GNA11: variants seen among roughly 807,000 people sequenced by gnomAD.
GNA11 encodes guanine nucleotide-binding protein subunit alpha-11.
In GNA11, 8 loss-of-function variants were observed where a neutral mutation model predicts 38.2. That is an observed-to-expected ratio of 0.21 (90% CI 0.12 to 0.38). The LOEUF (loss-of-function observed/expected upper bound fraction) is 0.38. Ranked by LOEUF, GNA11 falls within the 10% of genes least tolerant of loss-of-function variation. GNA11 has a pLI of 1.00. For missense variants in GNA11, 268 were observed against 516.3 expected, an observed-to-expected ratio of 0.52 and a Z score of 4.66; for synonymous variants, 211 against 221.4, an observed-to-expected ratio of 0.95 and a Z score of 0.42.
chr19:3,102,536 C>CCAG (rs1913531720), intron 1 of GNA11, among the ~76,000 whole-genome samples: 2 of 152,160 alleles, frequency 1.3e-5, no homozygotes, highest in African/African-American at 4.8e-5. Flanking sequence ...GGCTGCCTGC[C>CCAG]GGGGATAAGC....
rs1309810840 is a variant in GNA11, at chr19:3,119,006, G to C, written c.688G>C (p.Val230Leu). The C allele has an allele frequency of 6.2e-7, 1 of 1,613,780 alleles. No individual in the cohort carries two copies. Among genetic ancestry groups the C allele is most frequent in the African/African-American group, 1.3e-5 (1 of 74,942 alleles). ...FENVTSIMFL[V>L]ALSEYDQVLV... ...GAACGTGACATCCATCATGTTTCTCGTCGCCCTCAGCGAATACGACCAAGT... is the reference window on the plus strand; with the variant it reads ...GAACGTGACATCCATCATGTTTCTCCTCGCCCTCAGCGAATACGACCAAGT... The change falls in exon 5 of 7, where the codon GTC becomes CTC. Residue 230 changes from valine to leucine, a missense_variant. By Grantham distance (32) the Val-to-Leu change is conservative. Around this residue, in one of 3 missense-constraint regions of GNA11, gnomAD observed 25 missense variants for 95.6 expected, o/e 0.26. Coordinates refer to ENST00000078429, the MANE Select transcript of GNA11 (RefSeq NM_002067.5). This position sits in a 1 kb window ranked among gnomAD's most constrained non-coding sequence, Gnocchi z 4.6.
At chr19:3,115,579 C>T (rs1401341168) in intron 4 of GNA11, among the ~76,000 whole-genome samples, 1 of 151,676 alleles carries the variant, frequency 6.6e-6, no homozygotes, top group Non-Finnish European at 1.5e-5. Context: ...AGAGACCTGG[C>T]AGGGAGGACA....
chr19:3,123,202 G>A lies in GNA11; in HGVS notation c.*2023G>A. 4.3e-6 allele frequency: 1 copy of A among 233,382 alleles called. No individual in the cohort carries two copies. Among genetic ancestry groups the A allele is most frequent in the Non-Finnish European group, 8.5e-6 (1 of 118,126 alleles). 14.5% of individuals were successfully genotyped at this position (233,382 alleles called of 1,614,324 possible). A position where few individuals can be genotyped will look rare whatever the true frequency, so the allele number is the denominator to read the frequency against. ...GCACAAGGTGACCTGGCCGTGGCCT[G>A]AGGGTGGAGTCGCCCAGCACGCAGG... On this transcript the variant is annotated 3_prime_UTR_variant, in exon 7 of 7. Coordinates refer to ENST00000078429, the MANE Select transcript of GNA11 (RefSeq NM_002067.5).
At chr19:3,100,390 G>A (rs1213188545) in intron 1 of GNA11, among the ~76,000 whole-genome samples, 2 of 152,168 alleles carry the variant, frequency 1.3e-5, no homozygotes, top group Non-Finnish European at 2.9e-5. Context: ...CCTTCTCGTC[G>A]CCATCGTCAG....
At chr19:3,106,596 T>C (rs908217561) in intron 1 of GNA11, among the ~76,000 whole-genome samples, 1 of 152,022 alleles carries the variant, frequency 6.6e-6, no homozygotes, top group Non-Finnish European at 1.5e-5. Context: ...CTTTGGTGGG[T>C]TATGTGGGAG....
intron 1 of GNA11, among the ~76,000 whole-genome samples, chr19:3,095,108 C>T (rs1484022721): frequency 6.6e-6 from 1 of 151,992 alleles, no homozygotes; most frequent in Non-Finnish European, 1.5e-5. Flanking sequence ...GCACCTGGGA[C>T]CCTCCGGGGT....
rs1460324848 is a variant in GNA11, at chr19:3,118,856, C to T, written c.606-68C>T. On this transcript the variant is annotated intron_variant, in intron 4 of 6. Coordinates refer to ENST00000078429, the MANE Select transcript of GNA11 (RefSeq NM_002067.5). ...GTGGCAGGAGGGGCTTGGGTGGGAG[C>T]CGTCCTGGGATTGCAGATTGGGCCT... The T allele has an allele frequency of 3.4e-6, 5 of 1,485,228 alleles. No individual in the cohort carries two copies. The East Asian group carries it at 9.1e-5, about 27-fold the overall frequency. The allele number at this position is 1,485,228 out of a possible 1,614,324, so 92.0% of individuals were successfully genotyped here.
rs779361597 is a variant in GNA11, at chr19:3,120,414, C to G, written c.890-575C>G. ...TCCCCAGAGCAGCCCCTTGAACACCCCCAGGGGCCTTTCCACCGGGGCAGG... is the reference window on the plus strand; with the variant it reads ...TCCCCAGAGCAGCCCCTTGAACACCGCCAGGGGCCTTTCCACCGGGGCAGG... On this transcript the variant is annotated intron_variant, in intron 6 of 6. Transcript: ENST00000078429. The surrounding 1 kb of genome is among the most constrained non-coding windows in gnomAD (Gnocchi z 5.9). Among the ~76,000 whole-genome samples the G allele has an allele frequency of 2.6e-5, 4 of 152,130 alleles. No individual in the cohort carries two copies. The highest frequency in any genetic ancestry group is 5.9e-5 in the Non-Finnish European group (4 of 67,990).
chr19:3,115,323 C>T (rs1011992273), intron 4 of GNA11: 5 of 429,004 alleles, frequency 1.2e-5, no homozygotes, highest in Non-Finnish European at 1.7e-5. Context: ...GAGGATCGCT[C>T]AAGCCCAGGA....
chr19:3,121,454 T>TA lies in GNA11; in HGVS notation c.*291dup, dbSNP rs767868573. 45,560 of 193,818 alleles carry TA rather than the reference T, an allele frequency of 0.24. 3,334 individuals carry two copies. Among genetic ancestry groups the TA allele is most frequent in the South Asian group, 0.31 (1,477 of 4,704 alleles). 12.0% of individuals were successfully genotyped at this position (193,818 alleles called of 1,614,324 possible). Reference sequence around the variant, plus strand: ...CCTTGACTTATGGCTCGCTTTTTTCTAAAAAAAAAAAAAAAAGAAAGAAAG... The same window carrying TA: ...CCTTGACTTATGGCTCGCTTTTTTCTAAAAAAAAAAAAAAAAAGAAAGAAAG... On this transcript the variant is annotated 3_prime_UTR_variant, in exon 7 of 7. Transcript: ENST00000078429.
Position 3,108,864 on chromosome 19 carries a change from G to A in GNA11, c.137-1285G>A, listed in dbSNP as rs114493550. Among the ~76,000 whole-genome samples, 232 of 152,198 alleles carry A rather than the reference G, an allele frequency of 1.5e-3. No homozygotes were observed. Among genetic ancestry groups the A allele is most frequent in the African/African-American group, 5.1e-3 (212 of 41,524 alleles). On this transcript the variant is annotated intron_variant, in intron 1 of 6. Coordinates refer to ENST00000078429, the MANE Select transcript of GNA11 (RefSeq NM_002067.5). The surrounding 1 kb of genome is among the most constrained non-coding windows in gnomAD (Gnocchi z 4.5). ...AGCTGGAGGAGCCACTCACAAGTTGGCTCCCTCTAGTGGCTGTTGGTGGGA... is the reference window on the plus strand; with the variant it reads ...AGCTGGAGGAGCCACTCACAAGTTGACTCCCTCTAGTGGCTGTTGGTGGGA...
At chr19:3,103,769 TCTCAGCTCACCACAAG>T (rs1568280087) in intron 1 of GNA11, among the ~76,000 whole-genome samples, 1 of 151,534 alleles carries the variant, frequency 6.6e-6, no homozygotes, top group African/African-American at 2.4e-5. Flanking sequence ...AGTGGCACGA[TCTCAGCTCACCACAAG>T]CTCCGCCTCC....
intron 3 of GNA11, among the ~76,000 whole-genome samples, chr19:3,114,072 C>T (rs1266355765): frequency 1.4e-4 from 22 of 152,160 alleles, no homozygotes; most frequent in Admixed American, 1.4e-3. Flanking sequence ...GAGGCCCCGG[C>T]CCTCCCCCAG....
In GNA11 at chr19:3,110,461, T is replaced by G; in HGVS notation, c.321+128T>G. ...GGCCGGCCCAGGCTACCCCTGGTCA[T>G]CCATCCGTTCCTGTCATGGACATGG... On this transcript the variant is annotated intron_variant, in intron 2 of 6. Transcript: ENST00000078429. The surrounding 1 kb of genome is among the most constrained non-coding windows in gnomAD (Gnocchi z 5.4). 1.5e-6 allele frequency: 1 copy of G among 674,308 alleles called. No individual in the cohort carries two copies. Among genetic ancestry groups the G allele is most frequent in the African/African-American group, 1.8e-5 (1 of 55,672 alleles). 41.8% of individuals were successfully genotyped at this position (674,308 alleles called of 1,614,324 possible). A position where few individuals can be genotyped will look rare whatever the true frequency, so the allele number is the denominator to read the frequency against.
Position 3,115,078 on chromosome 19 carries a change from G to A in GNA11, c.605+6G>A, listed in dbSNP as rs867185796. The stretch of plus-strand genomic sequence containing the variant: ...CTGGAGAACATCATCTTCCGGTACC[G>A]CCCGGGCCACAGCAGGCGGGGAGGG... On this transcript the variant is annotated splice_donor_region_variant and intron_variant, in intron 4 of 6. Coordinates refer to ENST00000078429, the MANE Select transcript of GNA11 (RefSeq NM_002067.5). 7.5e-6 allele frequency: 12 copies of A among 1,605,954 alleles called. No individual in the cohort carries two copies. Among genetic ancestry groups the A allele is most frequent in the South Asian group, 2.3e-5 (2 of 88,444 alleles).
At chr19:3,111,418 A>C (rs944763251) in intron 2 of GNA11, among the ~76,000 whole-genome samples, 12 of 151,748 alleles carry the variant, frequency 7.9e-5, no homozygotes, top group African/African-American at 2.9e-4. Context: ...ATTGCACGCC[A>C]TGTGGCCTTT....
At position 3,110,649 on chromosome 19, in the gene GNA11, C is replaced by T. The variant is rs996194138; in HGVS notation, c.321+316C>T. 4.6e-5 allele frequency among the ~76,000 whole-genome samples: 7 copies of T among 152,104 alleles called. No homozygotes were observed. The highest frequency in any genetic ancestry group is 4.4e-5 in the Non-Finnish European group (3 of 68,028). ...CTGAGGCCCTGTGAGGTGAGCCACT[C>T]GCCCAGGTCGCCTTGGGAGTAAGCA... is the stretch of plus-strand genomic sequence containing the variant. On this transcript the variant is annotated intron_variant, in intron 2 of 6. Coordinates refer to ENST00000078429, the MANE Select transcript of GNA11 (RefSeq NM_002067.5). This position sits in a 1 kb window ranked among gnomAD's most constrained non-coding sequence, Gnocchi z 5.4.
chr19:3,110,202 G>A lies in GNA11; in HGVS notation c.190G>A (p.Gly64Ser), dbSNP rs1477351940. ...TFIKQMRIIHGAGYSEEDKRG... is the reference protein window; with the variant it reads ...TFIKQMRIIHSAGYSEEDKRG... ...CATCAAGCAGATGCGCATCATCCAC[G>A]GCGCCGGCTACTCGGAGGAGGACAA... Residue 64 changes from glycine (G) to serine (S), a missense_variant, in exon 2 of 7, where the codon GGC becomes AGC. Around this residue, in one of 3 missense-constraint regions of GNA11, gnomAD observed 151 missense variants for 254.0 expected, o/e 0.59. Coordinates refer to ENST00000078429, the MANE Select transcript of GNA11 (RefSeq NM_002067.5). This position sits in a 1 kb window ranked among gnomAD's most constrained non-coding sequence, Gnocchi z 5.4. The A allele has an allele frequency of 6.2e-7, 1 of 1,613,600 alleles. No homozygotes were observed. The highest frequency in any genetic ancestry group is 8.5e-7 in the Non-Finnish European group (1 of 1,179,814).
chr19:3,121,970 C>T lies in GNA11; in HGVS notation c.*791C>T, dbSNP rs974467566. On this transcript the variant is annotated 3_prime_UTR_variant, in exon 7 of 7. Transcript: ENST00000078429. ...GGGAAGGGTCCCCGGGCTGGAGCCA[C>T]GGGGGCTTCTCTGGGCTGTGCCTCC... 1.0e-4 allele frequency: 24 copies of T among 233,268 alleles called. No individual in the cohort carries two copies. Among genetic ancestry groups the T allele is most frequent in the African/African-American group, 4.6e-4 (21 of 45,458 alleles). The allele number at this position is 233,268 out of a possible 1,614,324, so 14.4% of individuals were successfully genotyped here. A position where few individuals can be genotyped will look rare whatever the true frequency, so the allele number is the denominator to read the frequency against.
Sources: gnomAD v4.1 joint callset for allele counts (sites outside exome capture counted in the v4.1 genomes callset) on GRCh38, gnomAD v4.1.1 for gene constraint, gnomAD v4.1.1 regional missense constraint, Gnocchi (gnomAD v3.1) non-coding constraint, MANE v1.5 for transcripts, NCBI Gene and HGNC (gene_info 2026-07-23, HGNC 2026-07-21) for gene names.